The following ESYT2 variants were observed in gnomAD, a reference collection of about 807,000 sequenced individuals.
ESYT2 encodes the protein extended synaptotagmin-2.
ESYT2 carries 54 observed loss-of-function variants against 107.2 expected under a neutral mutation model. The observed-to-expected ratio is 0.50, with a 90% CI of 0.40 to 0.63. The LOEUF (loss-of-function observed/expected upper bound fraction) is 0.63. ESYT2 is among the 30% of genes least tolerant of loss of function. The pLI, the probability that ESYT2 is intolerant of heterozygous loss-of-function variation, is 0.00. For synonymous variants in ESYT2, 491 were observed against 434.1 expected, an observed-to-expected ratio of 1.13 and a Z score of -1.63; for missense variants, 1,020 against 1,094.5, an observed-to-expected ratio of 0.93 and a Z score of 0.96.
intron 6 of ESYT2, among the ~76,000 whole-genome samples, chr7:158,776,836 T>G (rs1430470105): frequency 1.3e-5 from 2 of 152,090 alleles, no homozygotes; most frequent in Non-Finnish European, 2.9e-5. Flanking sequence ...TTCACTAAGC[T>G]TAATCATTTC....
chr7:158,824,483 T>C (rs1378534239), intron 1 of ESYT2, among the ~76,000 whole-genome samples: 1 of 152,244 alleles, frequency 6.6e-6, no homozygotes, highest in Admixed American at 6.5e-5. Context: ...TTCTGTTCAT[T>C]TAGTTCTTAG....
intron 19 of ESYT2, among the ~76,000 whole-genome samples, chr7:158,738,420 T>C (rs563640601): frequency 7.2e-5 from 11 of 151,828 alleles, no homozygotes; most frequent in Non-Finnish European, 1.3e-4. Context: ...TATGCTACTG[T>C]GCTGAATACT....
chr7:158,757,628 G>A (rs1444122053), intron 13 of ESYT2, among the ~76,000 whole-genome samples: 3 of 152,100 alleles, frequency 2.0e-5, no homozygotes, highest in Non-Finnish European at 4.4e-5. Context: ...CCTAGAGCCC[G>A]CGGGACGCCC....
chr7:158,785,466 T>TC (rs1326501957), intron 6 of ESYT2, among the ~76,000 whole-genome samples: 18 of 148,240 alleles, frequency 1.2e-4, no homozygotes, highest in African/African-American at 4.4e-4. Context: ...AATAAATAAA[T>TC]AAATAAATCA....
At chr7:158,807,128 G>A (rs538499985) in intron 1 of ESYT2, among the ~76,000 whole-genome samples, 29 of 151,886 alleles carry the variant, frequency 1.9e-4, no homozygotes, top group African/African-American at 6.8e-4. Flanking sequence ...GTGGGCGCCT[G>A]TAGTCCCACC....
At chr7:158,783,485 T>C (rs1333560960) in intron 6 of ESYT2, among the ~76,000 whole-genome samples, 1 of 152,158 alleles carries the variant, frequency 6.6e-6, no homozygotes, top group African/African-American at 2.4e-5. Context: ...ATCTGGGCTG[T>C]TGGTAAAGTT....
At chr7:158,793,248 T>C (rs1372773406) in intron 4 of ESYT2, among the ~76,000 whole-genome samples, 2 of 152,228 alleles carry the variant, frequency 1.3e-5, no homozygotes, top group African/African-American at 4.8e-5. Context: ...TAATGTGGTG[T>C]GTTACATCGA....
chr7:158,731,708 A>G lies in ESYT2; in HGVS notation c.*2499T>C, dbSNP rs990484870. The stretch of plus-strand genomic sequence containing the variant: ...TACGAGCTAACAGAGCTGCACTTCA[A>G]ATTTACTAAGTTAATTAATTTTCCC... On this transcript the variant is annotated 3_prime_UTR_variant, in exon 23 of 23. Transcript: ENST00000275418. The G allele has an allele frequency of 5.9e-5, 9 of 152,660 alleles. No individual in the cohort carries two copies. Among genetic ancestry groups the G allele is most frequent in the African/African-American group, 2.2e-4 (9 of 41,458 alleles). 9.5% of individuals were successfully genotyped at this position (152,660 alleles called of 1,614,324 possible).
chr7:158,778,809 G>A (rs1247609921), intron 6 of ESYT2, among the ~76,000 whole-genome samples: 1 of 150,200 alleles, frequency 6.7e-6, no homozygotes, highest in African/African-American at 2.4e-5. Flanking sequence ...AAGGTGCTAT[G>A]TAAAAACGAC....
intron 4 of ESYT2, among the ~76,000 whole-genome samples, chr7:158,792,200 CAT>C (rs1188771133): frequency 7.6e-6 from 1 of 131,698 alleles, no homozygotes; most frequent in Non-Finnish European, 1.6e-5. Context: ...GGGTTTTCTA[CAT>C]ATGAGATCAT....
chr7:158,760,841 T>G (rs781585340), intron 11 of ESYT2, among the ~76,000 whole-genome samples: 1 of 152,204 alleles, frequency 6.6e-6, no homozygotes, highest in Non-Finnish European at 1.5e-5. Context: ...GTCCATCCAG[T>G]GCCTGGCACA....
Position 158,733,140 on chromosome 7 carries a change from A to G in ESYT2, c.*1067T>C, listed in dbSNP as rs1424193861. 1.3e-5 allele frequency: 2 copies of G among 152,218 alleles called. No individual in the cohort carries two copies. Among genetic ancestry groups the G allele is most frequent in the Non-Finnish European group, 2.9e-5 (2 of 68,032 alleles). 9.4% of individuals were successfully genotyped at this position (152,218 alleles called of 1,614,324 possible). ...CCAACCCTGGTGGTGGCCAGTGCAC[A>G]TCGGCTCAAAGGTCCCACATCCTAT... On this transcript the variant is annotated 3_prime_UTR_variant, in exon 23 of 23. Coordinates refer to ENST00000275418, the MANE Select transcript of ESYT2 (RefSeq NM_001367773.1).
At chr7:158,735,955 G>GC (rs1468504637) in intron 20 of ESYT2, among the ~76,000 whole-genome samples, 1 of 152,168 alleles carries the variant, frequency 6.6e-6, no homozygotes, top group Non-Finnish European at 1.5e-5. Flanking sequence ...TTCCAGAGCA[G>GC]CCCACTCACT....
At position 158,749,641 on chromosome 7, in the gene ESYT2, C is replaced by A. The variant is rs200679187; in HGVS notation, c.1557+8G>T. On this transcript the variant is annotated splice_region_variant and intron_variant, in intron 15 of 22. Transcript: ENST00000275418. ...GCACCAAGGCTGAGTCCAGGGCGAG[C>A]ACCTTACCTTGCTCTCCTGGGCCTT... 329 of 1,613,690 alleles carry A rather than the reference C, an allele frequency of 2.0e-4. 2 individuals are homozygous for A. Among genetic ancestry groups the A allele is most frequent in the Middle Eastern group, 1.6e-4 (1 of 6,082 alleles).
chr7:158,734,516 C>T, intron 21 of ESYT2, 45 bp from the exon 22 acceptor site: 1 of 1,568,184 alleles, frequency 6.4e-7, no homozygotes, highest in South Asian at 1.2e-5. Flanking sequence ...GGGCTGGGGG[C>T]ACTGGCTCCC....
chr7:158,781,153 CAG>C (rs1405079495), intron 6 of ESYT2, among the ~76,000 whole-genome samples: 1 of 151,894 alleles, frequency 6.6e-6, no homozygotes, highest in African/African-American at 2.4e-5. Context: ...AATGTGAGAA[CAG>C]TGTGAGGTGT....
Position 158,767,642 on chromosome 7 carries a change from G to A in ESYT2, c.924+12C>T. The A allele has an allele frequency of 6.2e-7, 1 of 1,605,006 alleles. No homozygotes were observed. Among genetic ancestry groups the A allele is most frequent in the Non-Finnish European group, 8.5e-7 (1 of 1,174,968 alleles). On this transcript the variant is annotated intron_variant, in intron 8 of 22. Coordinates refer to ENST00000275418, the MANE Select transcript of ESYT2 (RefSeq NM_001367773.1). ...TGTTTTTAAATGTGAATGGATGCCGGGACACGCTTACCTTTGGTACAGGAA... is the reference window on the plus strand; with the variant it reads ...TGTTTTTAAATGTGAATGGATGCCGAGACACGCTTACCTTTGGTACAGGAA...
At chr7:158,784,467 G>A (rs1169044919) in intron 6 of ESYT2, among the ~76,000 whole-genome samples, 2 of 152,184 alleles carry the variant, frequency 1.3e-5, no homozygotes, top group East Asian at 3.9e-4. Flanking sequence ...GAGAGGCCAA[G>A]GATGCAGGAA....
intron 16 of ESYT2, 48 bp downstream of exon 16, chr7:158,748,146 A>G: frequency 1.3e-6 from 2 of 1,568,352 alleles, no homozygotes. Context: ...ATACTTTAAA[A>G]AGTCAATTAT....
Sources: gnomAD v4.1 joint callset for allele counts (sites outside exome capture counted in the v4.1 genomes callset) on GRCh38, gnomAD v4.1.1 for gene constraint, MANE v1.5 for transcripts, NCBI Gene and HGNC (gene_info 2026-07-23, HGNC 2026-07-21) for gene names.